The following PREX1 variants were observed in gnomAD, a reference collection of about 807,000 sequenced individuals.
PREX1 encodes phosphatidylinositol 3,4,5-trisphosphate-dependent Rac exchanger 1 protein.
Under a neutral mutation model 198.3 loss-of-function variants are expected in PREX1, and 41 were observed. The ratio of observed to expected loss-of-function variants is 0.21; its 90% CI spans 0.16 to 0.27. The LOEUF (loss-of-function observed/expected upper bound fraction) is 0.27. Among genes scored for constraint, PREX1 ranks in the 10% least tolerant of loss-of-function variants. The probability of loss-of-function intolerance (pLI) is 1.00; values close to 1 mark genes in which losing one functional copy is unlikely to be tolerated. For synonymous variants in PREX1, 843 were observed against 887.2 expected, an observed-to-expected ratio of 0.95 and a Z score of 0.89; for missense variants, 1,620 against 2,200.7, an observed-to-expected ratio of 0.74 and a Z score of 5.28.
chr20:48,774,013 T>A (rs1263665636), intron 1 of PREX1, among the ~76,000 whole-genome samples: 1 of 151,962 alleles, frequency 6.6e-6, no homozygotes, highest in Non-Finnish European at 1.5e-5. Flanking sequence ...AGATGGGATG[T>A]GAGGGACGAG....
intron 1 of PREX1, among the ~76,000 whole-genome samples, chr20:48,767,711 A>C (rs1312637073): frequency 6.6e-6 from 1 of 151,960 alleles, no homozygotes; most frequent in Non-Finnish European, 1.5e-5. Context: ...ATTCCACTGC[A>C]GCCCCAATGC....
intron 5 of PREX1, among the ~76,000 whole-genome samples, chr20:48,720,018 C>T (rs1433343120): frequency 6.6e-6 from 1 of 152,196 alleles, no homozygotes; most frequent in Non-Finnish European, 1.5e-5. Flanking sequence ...CTCTTCCTTT[C>T]CAGTCACCCT....
At chr20:48,877,271 C>CA in the PREX1 span, among the ~76,000 whole-genome samples, 291 of 112,664 alleles carry the variant, frequency 2.6e-3, 1 homozygote, top group African/African-American at 6.5e-3. Context: ...AACTCCATCT[C>CA]AAAAAAAAAA....
At chr20:48,732,237 A>T (rs775237419) in intron 4 of PREX1, among the ~76,000 whole-genome samples, 3 of 152,232 alleles carry the variant, frequency 2.0e-5, no homozygotes, top group Non-Finnish European at 4.4e-5. Flanking sequence ...TCAGTAAATC[A>T]GTCTGCCAAT....
chr20:48,778,051 T>G (rs2090271219), intron 1 of PREX1, among the ~76,000 whole-genome samples: 1 of 152,164 alleles, frequency 6.6e-6, no homozygotes, highest in African/African-American at 2.4e-5. Context: ...GACATCCATC[T>G]AAAGGGTAAG....
chr20:48,690,621 T>C (rs2089813840), intron 9 of PREX1, among the ~76,000 whole-genome samples: 1 of 151,912 alleles, frequency 6.6e-6, no homozygotes, highest in South Asian at 2.1e-4. Context: ...TTAGATTCAG[T>C]GAATATCAAA....
intron 14 of PREX1, among the ~76,000 whole-genome samples, chr20:48,670,613 C>T (rs965733857): frequency 6.6e-6 from 1 of 152,208 alleles, no homozygotes; most frequent in African/African-American, 2.4e-5. Flanking sequence ...ATTCAAAGCC[C>T]CGCTCTGCCC....
chr20:48,880,062 CA>C, the PREX1 span, among the ~76,000 whole-genome samples: 1 of 152,174 alleles, frequency 6.6e-6, no homozygotes, highest in South Asian at 2.1e-4. Flanking sequence ...CTTCCTGATT[CA>C]AACTTCAGTT....
the PREX1 span, among the ~76,000 whole-genome samples, chr20:48,883,863 G>A: frequency 3.9e-5 from 6 of 151,990 alleles, no homozygotes; most frequent in East Asian, 1.9e-4. Flanking sequence ...AGCTGGGGCC[G>A]GGCGCAGTGG....
intron 1 of PREX1, among the ~76,000 whole-genome samples, chr20:48,788,823 G>A (rs2090324466): frequency 6.6e-6 from 1 of 152,146 alleles, no homozygotes; most frequent in Admixed American, 6.5e-5. Context: ...GATGAATGGG[G>A]TATCATGGGA....
At chr20:48,718,049 T>A (rs530084929) in intron 5 of PREX1, among the ~76,000 whole-genome samples, 1 of 152,334 alleles carries the variant, frequency 6.6e-6, no homozygotes, top group African/African-American at 2.4e-5. Flanking sequence ...ATGTGTGTCC[T>A]CTAGTCTGCC....
chr20:48,676,512 G>T (rs1258136702), intron 13 of PREX1, among the ~76,000 whole-genome samples: 1 of 152,224 alleles, frequency 6.6e-6, no homozygotes, highest in African/African-American at 2.4e-5. Context: ...GCAGCTCCAG[G>T]GCTCTGGAAA....
At chr20:48,645,815 CT>C in intron 26 of PREX1, 35 bp downstream of exon 26, 1 of 1,606,770 alleles carries the variant, frequency 6.2e-7, no homozygotes, top group Non-Finnish European at 8.5e-7. Flanking sequence ...CAGGGCCATC[CT>C]CATCTAACCT....
chr20:48,854,102 G>A, the PREX1 span, among the ~76,000 whole-genome samples: 3 of 152,184 alleles, frequency 2.0e-5, no homozygotes, highest in South Asian at 2.1e-4. Flanking sequence ...TCTCACCATC[G>A]GGTCCAGCTG....
intron 2 of PREX1, among the ~76,000 whole-genome samples, chr20:48,747,374 A>G (rs2090113505): frequency 6.6e-6 from 1 of 151,920 alleles, no homozygotes; most frequent in Non-Finnish European, 1.5e-5. Context: ...GGACCCAATT[A>G]CTCATCAGCC....
intron 1 of PREX1, among the ~76,000 whole-genome samples, chr20:48,807,134 T>C (rs1360037212): frequency 6.6e-6 from 1 of 152,198 alleles, no homozygotes; most frequent in Non-Finnish European, 1.5e-5. Flanking sequence ...AAATAGTGTG[T>C]TAATTAGAAC....
In PREX1 at chr20:48,636,633, C is replaced by T; in HGVS notation, c.3997G>A (p.Ala1333Thr). ...RDAIFCQALV[A>T]AVCTFSKQLL... is the part of the protein sequence containing the mutation. The stretch of plus-strand genomic sequence containing the variant: ...TGCTTGGAGAAGGTGCACACGGCGG[C>T]CACCAGGGCCTGGCAGAAGATCGCG... Residue 1333 changes from alanine to threonine, a missense_variant, in exon 32 of 40, where the codon GCC (alanine) becomes ACC (threonine). Physicochemically the swap from Ala to Thr is moderately conservative, Grantham distance 58. Around this residue, in one of 7 missense-constraint regions of PREX1, gnomAD observed 476 missense variants for 603.4 expected, o/e 0.79. Transcript: ENST00000371941. The T allele has an allele frequency of 6.2e-7, 1 of 1,611,190 alleles. No homozygotes were observed.
chr20:48,846,612 T>C, the PREX1 span, among the ~76,000 whole-genome samples: 1 of 152,142 alleles, frequency 6.6e-6, no homozygotes, highest in Non-Finnish European at 1.5e-5. Flanking sequence ...CTCCTGGCGG[T>C]CAAAGGAGAG....
the PREX1 span, among the ~76,000 whole-genome samples, chr20:48,879,211 G>T: frequency 2.6e-5 from 4 of 152,186 alleles, no homozygotes; most frequent in Non-Finnish European, 4.4e-5. Context: ...TACATGAAGT[G>T]TTTAGTACAA....
Sources: allele counts gnomAD v4.1 joint callset (sites outside exome capture counted in the v4.1 genomes callset), GRCh38; gene constraint gnomAD v4.1.1; regional missense constraint gnomAD v4.1.1; transcripts MANE v1.5; gene names NCBI Gene and HGNC (gene_info 2026-07-23, HGNC 2026-07-21).